The following ANAPC1 variants were observed in gnomAD, a reference collection of about 807,000 sequenced individuals.
ANAPC1 encodes the protein anaphase-promoting complex subunit 1.
ANAPC1 carries 36 observed loss-of-function variants against 208.0 expected under a neutral mutation model. The observed-to-expected ratio is 0.17, with a 90% CI of 0.13 to 0.23. The LOEUF (loss-of-function observed/expected upper bound fraction) is 0.23, where lower values mean the gene tolerates loss of function less well. Among genes scored for constraint, ANAPC1 ranks in the 10% least tolerant of loss-of-function variants. The pLI is 1.00. For missense variants in ANAPC1, 942 were observed against 2,011.6 expected, an observed-to-expected ratio of 0.47 and a Z score of 10.17; for synonymous variants, 378 against 695.2, an observed-to-expected ratio of 0.54 and a Z score of 7.18.
chr2:111,867,951 C>T (rs1682525812), intron 7 of ANAPC1, 72 bp downstream of exon 7: 11 of 918,692 alleles, frequency 1.2e-5, no homozygotes, highest in East Asian at 2.6e-5. Context: ...TTCATATAAG[C>T]GCCTTTATAA....
At chr2:111,825,935 G>C (rs1490923646) in intron 21 of ANAPC1, 80 bp from the exon 22 acceptor site, 2 of 1,405,960 alleles carry the variant, frequency 1.4e-6, no homozygotes, top group East Asian at 2.5e-5. Context: ...GGAGTGCAGT[G>C]ACACAATCAC....
chr2:111,865,034 TAA>T (rs1263939732), intron 7 of ANAPC1, 83 bp from the exon 8 acceptor site: 8 of 1,442,820 alleles, frequency 5.5e-6, no homozygotes, highest in Non-Finnish European at 7.3e-6. Flanking sequence ...TTAAAATTGT[TAA>T]AGATAAAGAA....
chr2:111,790,356 TG>T (rs1677811936), intron 38 of ANAPC1, among the ~76,000 whole-genome samples: 1 of 152,260 alleles, frequency 6.6e-6, no homozygotes, highest in Admixed American at 6.5e-5. Context: ...AAACCGAGTT[TG>T]AAGGATTTAC....
chr2:111,792,643 A>C, intron 37 of ANAPC1, 88 bp from the exon 38 acceptor site: 1 of 1,089,796 alleles, frequency 9.2e-7, no homozygotes, highest in Non-Finnish European at 1.3e-6. Flanking sequence ...AGAAGACTAC[A>C]AAAGTTTGTA....
rs1680121860 is a variant in ANAPC1, at chr2:111,831,395, G to A, written c.2516C>T (p.Ser839Phe). The A allele has an allele frequency of 1.2e-6, 2 of 1,611,262 alleles. No homozygotes were observed. The highest frequency in any genetic ancestry group is 2.7e-5 in the African/African-American group (2 of 74,894). ...CCACTGATAAATACTTGGTGGCTCA[G>A]ACGTAAAAAATGATGGATGATGCAT... ...GFMHHPSFFT[S>F]EPPSIYQWVS... The change falls in exon 21 of 48, where the codon TCT becomes TTT. Residue 839 changes from serine to phenylalanine, a missense_variant. Physicochemically the swap from Ser to Phe is radical, Grantham distance 155. Coordinates refer to ENST00000341068, the MANE Select transcript of ANAPC1 (RefSeq NM_022662.4).
chr2:111,878,700 G>C, intron 3 of ANAPC1, 110 bp downstream of exon 3: 2 of 1,410,550 alleles, frequency 1.4e-6, no homozygotes, highest in Non-Finnish European at 1.9e-6. Context: ...CGTACACCCA[G>C]CTGCTGAGAT....
intron 28 of ANAPC1, among the ~76,000 whole-genome samples, chr2:111,813,301 C>T (rs1207083153): frequency 6.9e-6 from 1 of 144,228 alleles, no homozygotes; most frequent in Non-Finnish European, 1.5e-5. Context: ...GGAGACCTTT[C>T]GTTTACCTAT....
rs1168302077 is a variant in ANAPC1, at chr2:111,825,157, C to T, written c.2715G>A (p.Lys905=). The change falls in exon 23 of 48, where the codon AAG becomes AAA. Residue 905 remains lysine (K), a synonymous_variant. Transcript: ENST00000341068. Reference sequence around the variant, plus strand: ...TGTTTTCCTCTTGTTCTACTTGCAACTTCTGGGGGGCTAAAAGGCAACAAA... The same window carrying T: ...TGTTTTCCTCTTGTTCTACTTGCAATTTCTGGGGGGCTAAAAGGCAACAAA... The part of the protein sequence containing the change: ...YLTRITIAPQ[K]LQVEQEENRF... The T allele has an allele frequency of 6.2e-7, 1 of 1,612,914 alleles. No individual in the cohort carries two copies. Among genetic ancestry groups the T allele is most frequent in the African/African-American group, 1.3e-5 (1 of 74,656 alleles).
rs1158119946 is a variant in ANAPC1, at chr2:111,846,534, CATATATATATAT to C, written c.1852+592_1852+603del. Among the ~76,000 whole-genome samples the C allele has an allele frequency of 6.9e-4, 47 of 68,338 alleles. 2 individuals carry two copies. The highest frequency in any genetic ancestry group is 8.5e-3 in the Middle Eastern group (1 of 118). The allele number at this position is 68,338 out of a possible 152,430, so 44.8% of individuals were successfully genotyped here. The stretch of plus-strand genomic sequence containing the variant: ...AGGCATGTCCATATATATACATATA[CATATATATATAT>C]ATATATATATATATTTTTTTTTTTT... On this transcript the variant is annotated intron_variant, in intron 16 of 47. Transcript: ENST00000341068.
intron 6 of ANAPC1, among the ~76,000 whole-genome samples, chr2:111,871,166 C>G (rs539159492): frequency 6.6e-6 from 1 of 152,028 alleles, no homozygotes; most frequent in South Asian, 2.1e-4. Flanking sequence ...CTATTTTGGG[C>G]TCTTTTGGTT....
rs1279589154 is a variant in ANAPC1, at chr2:111,875,483, A to G, written c.376-1819T>C. Among the ~76,000 whole-genome samples, 16 of 152,036 alleles carry G rather than the reference A, an allele frequency of 1.1e-4. 1 individual carries two copies. Among genetic ancestry groups the G allele is most frequent in the Admixed American group, 1.0e-3 (16 of 15,258 alleles). On this transcript the variant is annotated intron_variant, in intron 3 of 47. Coordinates refer to ENST00000341068, the MANE Select transcript of ANAPC1 (RefSeq NM_022662.4). The stretch of plus-strand genomic sequence containing the variant: ...ATCCCTGATATCTAAGAGATCACTA[A>G]CCCCTTCCACATCTCCCTCTGCTTT...
chr2:111,875,985 G>T (rs1548189), intron 3 of ANAPC1, among the ~76,000 whole-genome samples: 33,789 of 152,010 alleles, frequency 0.22, 3,919 homozygotes, highest in Middle Eastern at 0.36. Context: ...TCAGAATACA[G>T]CATTTCAGGT....
intron 3 of ANAPC1, among the ~76,000 whole-genome samples, chr2:111,875,219 A>G (rs1442881889): frequency 1.3e-5 from 2 of 152,244 alleles, no homozygotes; most frequent in East Asian, 3.8e-4. Context: ...GTGCATCTTT[A>G]GAAAAATGTC....
At chr2:111,865,702 T>C (rs1682366184) in intron 7 of ANAPC1, 1 of 155,170 alleles carries the variant, frequency 6.4e-6, no homozygotes, top group Admixed American at 6.5e-5. Context: ...TGTATCCTAC[T>C]TGACATCACA....
intron 28 of ANAPC1, among the ~76,000 whole-genome samples, chr2:111,810,325 T>C (rs1235445499): frequency 6.6e-6 from 1 of 150,456 alleles, no homozygotes; most frequent in Non-Finnish European, 1.5e-5. Context: ...GGTAGAGGAA[T>C]GGGGAGTCAC....
At chr2:111,867,976 G>C in intron 7 of ANAPC1, 47 bp downstream of exon 7, 1 of 1,344,846 alleles carries the variant, frequency 7.4e-7, no homozygotes, top group Non-Finnish European at 1.0e-6. Context: ...CCTCACCAAA[G>C]TCAAAAAAAA....
At chr2:111,858,767 GAAAA>G (rs59260533) in intron 10 of ANAPC1, among the ~76,000 whole-genome samples, 1 of 122,824 alleles carries the variant, frequency 8.1e-6, no homozygotes, top group Admixed American at 8.7e-5. Context: ...GTCTCAAAAA[GAAAA>G]AAAAAAAAAA....
Position 111,812,344 on chromosome 2 carries a change from T to C in ANAPC1, c.3597+3026A>G, listed in dbSNP as rs543105095. 1.3e-4 allele frequency among the ~76,000 whole-genome samples: 11 copies of C among 81,842 alleles called. 2 individuals carry two copies. Among genetic ancestry groups the C allele is most frequent in the African/African-American group, 5.0e-4 (11 of 22,154 alleles). The allele number at this position is 81,842 out of a possible 152,430, so 53.7% of individuals were successfully genotyped here. A position where few individuals can be genotyped will look rare whatever the true frequency, so the allele number is the denominator to read the frequency against. On this transcript the variant is annotated intron_variant, in intron 28 of 47. Transcript: ENST00000341068. ...TGGAGATGAAATGTTTATCTTATTA[T>C]GGCACCTACCAAAAGGGGGAAGAAA...
chr2:111,790,043 T>G (rs914093181), intron 38 of ANAPC1, among the ~76,000 whole-genome samples: 1 of 152,246 alleles, frequency 6.6e-6, no homozygotes, highest in Non-Finnish European at 1.5e-5. Context: ...CTTTACTTTT[T>G]GTACTTCTGA....
Sources: allele counts gnomAD v4.1 joint callset (sites outside exome capture counted in the v4.1 genomes callset), GRCh38; gene constraint gnomAD v4.1.1; transcripts MANE v1.5; gene names NCBI Gene and HGNC (gene_info 2026-07-23, HGNC 2026-07-21).